The following NELL1 variants were observed in gnomAD, a reference collection of about 807,000 sequenced individuals.
NELL1 encodes the protein neural EGFL like 1.
Under a neutral mutation model 107.4 loss-of-function variants are expected in NELL1, and 76 were observed. The ratio of observed to expected loss-of-function variants is 0.71; its 90% confidence interval spans 0.59 to 0.86. The LOEUF (loss-of-function observed/expected upper bound fraction) is 0.86, where lower values mean the gene tolerates loss of function less well. NELL1 is among the 40% of genes least tolerant of loss of function. The probability of loss-of-function intolerance (pLI) is 0.00; values close to 1 mark genes in which losing one functional copy is unlikely to be tolerated. For missense variants in NELL1, 1,024 were observed against 1,005.5 expected (o/e 1.02, Z -0.25); for synonymous variants, 353 against 341.2 (o/e 1.03, Z -0.38).
At chr11:20,712,320 A>G (rs1253161766) in intron 2 of NELL1, among the ~76,000 whole-genome samples, 7 of 151,550 alleles carry the variant, frequency 4.6e-5, no homozygotes, top group African/African-American at 7.3e-5. Context: ...TTTTTATGGT[A>G]TCTATTTCTC....
At chr11:21,123,931 A>C (rs189963459) in intron 13 of NELL1, among the ~76,000 whole-genome samples, 5 of 152,310 alleles carry the variant, frequency 3.3e-5, no homozygotes, top group Admixed American at 2.6e-4. Flanking sequence ...AACATGATTT[A>C]AGCAAGTATG....
intron 15 of NELL1, among the ~76,000 whole-genome samples, chr11:21,494,268 T>G (rs1854916185): frequency 6.6e-6 from 1 of 151,990 alleles, no homozygotes; most frequent in Non-Finnish European, 1.5e-5. Context: ...TATTATTCTT[T>G]CAAAAGAGCA....
At chr11:21,485,469 C>A (rs1048947040) in intron 15 of NELL1, among the ~76,000 whole-genome samples, 1 of 151,340 alleles carries the variant, frequency 6.6e-6, no homozygotes, top group East Asian at 2.0e-4. Flanking sequence ...AGGACTGTGT[C>A]CTCCACTGGG....
At chr11:21,208,373 C>A (rs1413514410) in intron 13 of NELL1, among the ~76,000 whole-genome samples, 1 of 151,082 alleles carries the variant, frequency 6.6e-6, no homozygotes, top group Non-Finnish European at 1.5e-5. Flanking sequence ...TTTTAACATG[C>A]ATTTTATAGA....
chr11:21,161,212 T>C (rs1221279900), intron 13 of NELL1, among the ~76,000 whole-genome samples: 1 of 152,154 alleles, frequency 6.6e-6, no homozygotes. Flanking sequence ...TATTATTTAT[T>C]TCTTTTGGTC....
chr11:21,418,631 C>T (rs954332023), intron 15 of NELL1, among the ~76,000 whole-genome samples: 1 of 152,026 alleles, frequency 6.6e-6, no homozygotes, highest in Non-Finnish European at 1.5e-5. Context: ...TAAACCACCA[C>T]TTATTAATAC....
chr11:21,088,523 A>G (rs1353563688), intron 12 of NELL1, among the ~76,000 whole-genome samples: 2 of 152,136 alleles, frequency 1.3e-5, no homozygotes, highest in Non-Finnish European at 2.9e-5. Context: ...GGTAAATTAT[A>G]CACATAAGTC....
At chr11:21,456,962 T>C (rs1853761007) in intron 15 of NELL1, among the ~76,000 whole-genome samples, 1 of 151,400 alleles carries the variant, frequency 6.6e-6, no homozygotes, top group Non-Finnish European at 1.5e-5. Flanking sequence ...ATAAATTCTA[T>C]ATCCCTTAAG....
chr11:20,831,580 A>G (rs1180326630), intron 3 of NELL1, among the ~76,000 whole-genome samples: 1 of 152,130 alleles, frequency 6.6e-6, no homozygotes, highest in African/African-American at 2.4e-5. Flanking sequence ...GTTGTTTTGG[A>G]AGGTGGGGGG....
rs1848940673 is a variant in NELL1, at chr11:20,859,548, C to T, written c.506+11795C>T. ...CTTCAAATGTGGAGTAGACGTTACA[C>T]TAGTCTCCAGTGTTACGTATGTGGT... is the stretch of plus-strand genomic sequence containing the variant. On this transcript the variant is annotated intron_variant, in intron 4 of 19. Coordinates refer to ENST00000357134, the MANE Select transcript of NELL1 (RefSeq NM_006157.5). 2.0e-5 allele frequency among the ~76,000 whole-genome samples: 3 copies of T among 152,198 alleles called. No individual in the cohort carries two copies. In the South Asian group the frequency reaches 6.2e-4, roughly 31 times the overall value.
At chr11:21,191,389 A>G (rs1857045706) in intron 13 of NELL1, among the ~76,000 whole-genome samples, 1 of 151,852 alleles carries the variant, frequency 6.6e-6, no homozygotes, top group Non-Finnish European at 1.5e-5. Context: ...AGCCTCTAGA[A>G]GCTGGAGAAG....
At chr11:21,111,162 A>G (rs1298701971) in intron 12 of NELL1, among the ~76,000 whole-genome samples, 1 of 152,100 alleles carries the variant, frequency 6.6e-6, no homozygotes, top group Non-Finnish European at 1.5e-5. Flanking sequence ...AGAGTAGGTC[A>G]AATTCCTCTT....
At chr11:20,800,202 C>A (rs1857254495) in intron 3 of NELL1, among the ~76,000 whole-genome samples, 1 of 152,120 alleles carries the variant, frequency 6.6e-6, no homozygotes, top group Non-Finnish European at 1.5e-5. Context: ...AGAATGAATT[C>A]TTTTCCTTTG....
intron 14 of NELL1, among the ~76,000 whole-genome samples, chr11:21,354,170 A>G (rs1298018806): frequency 2.0e-5 from 3 of 152,118 alleles, no homozygotes; most frequent in Non-Finnish European, 4.4e-5. Flanking sequence ...GATTTGTGCG[A>G]GGCTCCCCAC....
intron 15 of NELL1, among the ~76,000 whole-genome samples, chr11:21,376,153 T>A (rs749152359): frequency 8.4e-3 from 98 of 11,712 alleles, no homozygotes; most frequent in African/African-American, 0.024. Context: ...GTTTTCTAGA[T>A]TTTTTTATAG....
chr11:20,920,126 T>C (rs1347609266), intron 7 of NELL1, among the ~76,000 whole-genome samples: 2 of 152,140 alleles, frequency 1.3e-5, no homozygotes, highest in Non-Finnish European at 2.9e-5. Context: ...ATAGAAAATA[T>C]GGCTAATGCT....
chr11:21,535,347 C>T (rs1305213134), intron 16 of NELL1, among the ~76,000 whole-genome samples: 1 of 152,168 alleles, frequency 6.6e-6, no homozygotes, highest in Non-Finnish European at 1.5e-5. Context: ...AGCATTCTGA[C>T]CTTGGGCTCC....
chr11:20,749,042 C>T (rs1856073619), intron 2 of NELL1, among the ~76,000 whole-genome samples: 1 of 151,882 alleles, frequency 6.6e-6, no homozygotes, highest in Non-Finnish European at 1.5e-5. Flanking sequence ...ACAAAGCAGA[C>T]AAAACCTCTA....
chr11:21,509,532 G>A (rs1447966492), intron 15 of NELL1, among the ~76,000 whole-genome samples: 1 of 152,112 alleles, frequency 6.6e-6, no homozygotes, highest in Non-Finnish European at 1.5e-5. Context: ...TTTTTTTCAA[G>A]ATGGGTAAAT....
Sources: allele counts gnomAD v4.1 joint callset (sites outside exome capture counted in the v4.1 genomes callset), GRCh38; gene constraint gnomAD v4.1.1; transcripts MANE v1.5; gene names NCBI Gene and HGNC (gene_info 2026-07-23, HGNC 2026-07-21).